Variants in MYO16 observed in about 807,000 individuals in gnomAD.
The protein encoded by MYO16 is unconventional myosin-XVI.
Under a neutral mutation model 205.3 loss-of-function variants are expected in MYO16, and 94 were observed. The ratio of observed to expected loss-of-function variants is 0.46; its 90% confidence interval spans 0.39 to 0.54. The LOEUF is 0.54. Among genes scored for constraint, MYO16 ranks in the 20% least tolerant of loss-of-function variants. MYO16 has a pLI of 0.00. For synonymous variants in MYO16, 988 were observed against 954.0 expected (o/e 1.04, Z -0.66); for missense variants, 2,315 against 2,387.5 (o/e 0.97, Z 0.63).
At chr13:109,183,224 G>A (rs367872709) in intron 34 of MYO16, among the ~76,000 whole-genome samples, 1 of 152,084 alleles carries the variant, frequency 6.6e-6, no homozygotes, top group Non-Finnish European at 1.5e-5. Context: ...AAGCGGCGGT[G>A]GGGGGGAATG....
chr13:109,184,280 G>C (rs530355110), intron 34 of MYO16, among the ~76,000 whole-genome samples: 1 of 152,076 alleles, frequency 6.6e-6, no homozygotes, highest in African/African-American at 2.4e-5. Context: ...CAGGGAATCC[G>C]TACTCACCAC....
At chr13:108,539,095 G>T in the MYO16 span, among the ~76,000 whole-genome samples, 1 of 152,028 alleles carries the variant, frequency 6.6e-6, no homozygotes, top group Non-Finnish European at 1.5e-5. Context: ...AAAATAGACT[G>T]CCTGAGTTGT....
chr13:109,190,432 C>T (rs1452092116), intron 34 of MYO16, among the ~76,000 whole-genome samples: 1 of 152,036 alleles, frequency 6.6e-6, no homozygotes, highest in Non-Finnish European at 1.5e-5. Context: ...TGTGTATGTG[C>T]ACCTTGATAG....
chr13:108,972,636 T>C (rs73616464), intron 20 of MYO16, among the ~76,000 whole-genome samples: 2,078 of 151,208 alleles, frequency 0.014, 38 homozygotes, highest in African/African-American at 0.047. Flanking sequence ...GGCATTGTTT[T>C]TTAGTGTTTT....
At chr13:108,557,750 A>G in the MYO16 span, among the ~76,000 whole-genome samples, 2 of 152,188 alleles carry the variant, frequency 1.3e-5, no homozygotes, top group African/African-American at 4.8e-5. Context: ...AGAGGTCAAT[A>G]TTTAGTTCAA....
At chr13:109,145,584 C>A (rs1877292309) in intron 32 of MYO16, among the ~76,000 whole-genome samples, 1 of 152,180 alleles carries the variant, frequency 6.6e-6, no homozygotes, top group South Asian at 2.1e-4. Flanking sequence ...CTGTTCCATT[C>A]TAGACATAAA....
chr13:108,543,086 T>G, the MYO16 span, among the ~76,000 whole-genome samples: 3 of 152,268 alleles, frequency 2.0e-5, no homozygotes, highest in East Asian at 5.8e-4. Flanking sequence ...TAAAACACAT[T>G]TTCAATATCA....
intron 32 of MYO16, among the ~76,000 whole-genome samples, chr13:109,144,657 G>A (rs1381130764): frequency 6.6e-6 from 1 of 152,044 alleles, no homozygotes; most frequent in Admixed American, 6.5e-5. Context: ...AAATAATACA[G>A]TGTGTGGCTA....
intron 4 of MYO16, among the ~76,000 whole-genome samples, chr13:108,728,655 G>A (rs1240759829): frequency 6.6e-6 from 1 of 152,204 alleles, no homozygotes; most frequent in Admixed American, 6.5e-5. Context: ...TTTCTTCTGT[G>A]TCAGTGTGTC....
chr13:108,968,937 A>G (rs947816096), intron 20 of MYO16, among the ~76,000 whole-genome samples: 3 of 152,174 alleles, frequency 2.0e-5, no homozygotes, highest in Non-Finnish European at 1.5e-5. Context: ...AAGCCAAGAG[A>G]CTTACAGCTA....
At position 108,867,043 on chromosome 13, in the gene MYO16, C is replaced by G. The variant is rs533627780; in HGVS notation, c.1425+801C>G. ...ATCCACCACCCCACCCTCCACCCAT[C>G]TTATCAAAAGTCAATTCTGGCTGGA... On this transcript the variant is annotated intron_variant, in intron 12 of 34. Coordinates refer to ENST00000457511, the MANE Select transcript of MYO16 (RefSeq NM_001198950.3). 1.4e-4 allele frequency among the ~76,000 whole-genome samples: 21 copies of G among 151,936 alleles called. 1 individual carries two copies. Among genetic ancestry groups the G allele is most frequent in the Admixed American group, 1.1e-3 (17 of 15,260 alleles).
chr13:108,804,570 C>T (rs1422228662), intron 6 of MYO16, among the ~76,000 whole-genome samples: 2 of 152,138 alleles, frequency 1.3e-5, no homozygotes, highest in Non-Finnish European at 2.9e-5. Flanking sequence ...TGATGAGAAA[C>T]TATATCCCAC....
At chr13:108,965,126 A>T (rs1038982445) in intron 20 of MYO16, among the ~76,000 whole-genome samples, 2 of 152,214 alleles carry the variant, frequency 1.3e-5, no homozygotes, top group African/African-American at 4.8e-5. Context: ...ATGAATTAAT[A>T]ATTTCCTATG....
At chr13:108,927,176 A>G (rs142582916) in intron 16 of MYO16, among the ~76,000 whole-genome samples, 285 of 152,286 alleles carry the variant, frequency 1.9e-3, no homozygotes, top group African/African-American at 6.5e-3. Context: ...GAAAAAACAC[A>G]CTTAGAGAAA....
At chr13:108,658,817 T>C (rs1260741699) in intron 1 of MYO16, among the ~76,000 whole-genome samples, 1 of 152,178 alleles carries the variant, frequency 6.6e-6, no homozygotes, top group African/African-American at 2.4e-5. Flanking sequence ...AAGAGACAGT[T>C]AATATCATAA....
intron 4 of MYO16, among the ~76,000 whole-genome samples, chr13:108,748,958 T>C (rs1342600973): frequency 1.3e-5 from 2 of 152,144 alleles, no homozygotes; most frequent in Non-Finnish European, 2.9e-5. Flanking sequence ...TTGTAGCCCA[T>C]GAATGAAAAA....
At chr13:109,061,509 A>C (rs1043257778) in intron 27 of MYO16, among the ~76,000 whole-genome samples, 1 of 152,172 alleles carries the variant, frequency 6.6e-6, no homozygotes, top group Non-Finnish European at 1.5e-5. Flanking sequence ...TCTGTGTTTC[A>C]GTGAATAGGG....
In MYO16 at chr13:108,952,200, T is replaced by TG. The variant is rs1275778966; in HGVS notation, c.1926-5486dup. ...GATATCAGTGTTATTAAAATTTCTA[T>TG]GGAATTGGACTACCAAATTTCTACA... On this transcript the variant is annotated intron_variant, in intron 16 of 34. Coordinates refer to ENST00000457511, the MANE Select transcript of MYO16 (RefSeq NM_001198950.3). 2.4e-4 allele frequency among the ~76,000 whole-genome samples: 37 copies of TG among 152,278 alleles called. 1 individual carries two copies. Among genetic ancestry groups the TG allele is most frequent in the African/African-American group, 8.7e-4 (36 of 41,566 alleles).
At chr13:109,203,364 C>A (rs1221220302) in intron 34 of MYO16, among the ~76,000 whole-genome samples, 1 of 151,768 alleles carries the variant, frequency 6.6e-6, no homozygotes, top group Non-Finnish European at 1.5e-5. Context: ...AAAAGCCAAA[C>A]AATCTTATCA....
Sources: allele counts gnomAD v4.1 joint callset (sites outside exome capture counted in the v4.1 genomes callset), GRCh38; gene constraint gnomAD v4.1.1; transcripts MANE v1.5; gene names NCBI Gene and HGNC (gene_info 2026-07-23, HGNC 2026-07-21).